CDH8: variants seen among roughly 807,000 people sequenced by gnomAD.
The protein encoded by CDH8 is cadherin-8.
A neutral mutation model predicts 68.1 loss-of-function variants in CDH8; 17 were observed. The observed-to-expected ratio is 0.25, with a 90% CI of 0.17 to 0.37. CDH8 has a LOEUF of 0.37. Among genes scored for constraint, CDH8 ranks in the 10% least tolerant of loss-of-function variants. CDH8 has a pLI of 1.00. For missense variants in CDH8, 763 were observed against 999.3 expected (o/e 0.76, Z 3.19); for synonymous variants, 372 against 365.1 (o/e 1.02, Z -0.21).
chr16:61,841,299 G>A (rs1158418617), intron 4 of CDH8, among the ~76,000 whole-genome samples: 1 of 152,120 alleles, frequency 6.6e-6, no homozygotes, highest in Non-Finnish European at 1.5e-5. Flanking sequence ...TCTCCATAGT[G>A]GTTGTCCTAA....
intron 2 of CDH8, among the ~76,000 whole-genome samples, chr16:61,939,652 G>A (rs960159505): frequency 1.3e-5 from 2 of 152,046 alleles, no homozygotes; most frequent in African/African-American, 2.4e-5. Context: ...ATTTGTAATT[G>A]ACTATAATAC....
intron 1 of CDH8, among the ~76,000 whole-genome samples, chr16:62,028,990 C>T (rs557557564): frequency 3.3e-5 from 5 of 152,244 alleles, no homozygotes; most frequent in African/African-American, 1.2e-4. Context: ...GTAATTCAGC[C>T]GAACTGTGGA....
At chr16:61,977,055 A>G (rs1373588892) in intron 2 of CDH8, among the ~76,000 whole-genome samples, 6 of 152,182 alleles carry the variant, frequency 3.9e-5, no homozygotes, top group African/African-American at 1.4e-4. Context: ...AGAGCATACA[A>G]TCACGGAATA....
chr16:62,018,753 A>G (rs868297957), intron 2 of CDH8, among the ~76,000 whole-genome samples: 3 of 152,212 alleles, frequency 2.0e-5, no homozygotes, highest in African/African-American at 7.2e-5. Flanking sequence ...TGAAAAGGCT[A>G]GATAAAAACC....
chr16:61,669,996 A>G (rs561907195), intron 10 of CDH8, among the ~76,000 whole-genome samples: 1 of 152,186 alleles, frequency 6.6e-6, no homozygotes, highest in African/African-American at 2.4e-5. Context: ...CCTATTAAGC[A>G]AGTGTGCCTG....
In CDH8 at chr16:61,720,054, G is replaced by A. The variant is rs183134738; in HGVS notation, c.1537-6096C>T. Among the ~76,000 whole-genome samples the A allele has an allele frequency of 6.0e-5, 9 of 149,934 alleles. No homozygotes were observed. The East Asian group carries it at 7.9e-4, about 13-fold the overall frequency. On this transcript the variant is annotated intron_variant, in intron 9 of 11. Transcript: ENST00000577390. The stretch of plus-strand genomic sequence containing the variant: ...CCACATCATATATTGGCATGCTACC[G>A]CACAAGTTTCTATGAAAAACTCACT...
intron 10 of CDH8, among the ~76,000 whole-genome samples, chr16:61,690,184 C>A (rs1964190881): frequency 6.6e-6 from 1 of 152,198 alleles, no homozygotes; most frequent in South Asian, 2.1e-4. Context: ...TCAAGAGCAT[C>A]TCTGAAGTAG....
At chr16:61,671,911 G>A (rs1963804288) in intron 10 of CDH8, among the ~76,000 whole-genome samples, 1 of 151,760 alleles carries the variant, frequency 6.6e-6, no homozygotes, top group African/African-American at 2.4e-5. Flanking sequence ...TCACCCTTAT[G>A]ATTGAAACAG....
At chr16:61,680,382 G>C (rs913157313) in intron 10 of CDH8, among the ~76,000 whole-genome samples, 1 of 151,734 alleles carries the variant, frequency 6.6e-6, no homozygotes, top group Middle Eastern at 3.2e-3. Flanking sequence ...ATGATAACAT[G>C]GAACATCCTA....
chr16:61,853,465 G>A (rs4784166), intron 4 of CDH8, among the ~76,000 whole-genome samples: 82,022 of 151,922 alleles, frequency 0.54, 24,531 homozygotes, highest in African/African-American at 0.82. Context: ...TATGTAACCC[G>A]GTGAGGGACT....
intron 10 of CDH8, among the ~76,000 whole-genome samples, chr16:61,659,580 C>T (rs1167294436): frequency 6.6e-6 from 1 of 152,132 alleles, no homozygotes; most frequent in African/African-American, 2.4e-5. Context: ...TAGCTGGGCA[C>T]TGTGCCACTG....
intron 2 of CDH8, among the ~76,000 whole-genome samples, chr16:61,967,273 A>C (rs1454085928): frequency 6.6e-6 from 1 of 152,206 alleles, no homozygotes; most frequent in African/African-American, 2.4e-5. Flanking sequence ...AGTTTGTAAA[A>C]GGTAGACATG....
chr16:61,843,641 C>T (rs1017779084), intron 4 of CDH8, among the ~76,000 whole-genome samples: 1 of 152,152 alleles, frequency 6.6e-6, no homozygotes, highest in Non-Finnish European at 1.5e-5. Context: ...AGTGACCACT[C>T]AGAGGCTTAG....
intron 4 of CDH8, among the ~76,000 whole-genome samples, chr16:61,827,479 A>G (rs1450068027): frequency 2.0e-5 from 3 of 151,976 alleles, no homozygotes; most frequent in African/African-American, 4.8e-5. Context: ...ATTGGTATGT[A>G]TTATTCTCAT....
intron 8 of CDH8, among the ~76,000 whole-genome samples, chr16:61,735,512 A>T (rs1279965572): frequency 6.7e-6 from 1 of 150,212 alleles, no homozygotes; most frequent in Admixed American, 6.7e-5. Flanking sequence ...TTACCTTATT[A>T]TTCTTCTATT....
At chr16:61,723,679 T>C (rs541570658) in intron 9 of CDH8, among the ~76,000 whole-genome samples, 3 of 150,850 alleles carry the variant, frequency 2.0e-5, no homozygotes, top group East Asian at 3.9e-4. Flanking sequence ...TGGAACATAG[T>C]TGGTGCTCAG....
chr16:61,778,456 A>G (rs1006966081), intron 8 of CDH8, among the ~76,000 whole-genome samples: 2 of 152,168 alleles, frequency 1.3e-5, no homozygotes, highest in African/African-American at 2.4e-5. Context: ...AACTGCACCT[A>G]GAAGTAACAC....
chr16:62,005,469 G>T (rs1965959207), intron 2 of CDH8, among the ~76,000 whole-genome samples: 1 of 148,954 alleles, frequency 6.7e-6, no homozygotes, highest in African/African-American at 2.5e-5. Flanking sequence ...CGGGTGCTGT[G>T]GCTCACGCCT....
At chr16:61,895,623 C>T (rs1346303802) in intron 3 of CDH8, among the ~76,000 whole-genome samples, 1 of 152,168 alleles carries the variant, frequency 6.6e-6, no homozygotes, top group Non-Finnish European at 1.5e-5. Context: ...TTAAACACTA[C>T]TCTCTTTCTC....
Sources: gnomAD v4.1 joint callset for allele counts (sites outside exome capture counted in the v4.1 genomes callset) on GRCh38, gnomAD v4.1.1 for gene constraint, MANE v1.5 for transcripts, NCBI Gene and HGNC (gene_info 2026-07-23, HGNC 2026-07-21) for gene names.